The following DNAJC6 variants were observed in gnomAD, a reference collection of about 807,000 sequenced individuals.
DNAJC6 encodes auxilin.
A neutral mutation model predicts 110.0 loss-of-function variants in DNAJC6; 34 were observed. That is an observed-to-expected ratio of 0.31 (90% CI 0.24 to 0.41). The LOEUF is 0.41. DNAJC6 is among the 10% of genes least tolerant of loss of function. The pLI is 1.00. For synonymous variants in DNAJC6, 406 were observed against 437.2 expected, an observed-to-expected ratio of 0.93 and a Z score of 0.89; for missense variants, 1,031 against 1,207.8, an observed-to-expected ratio of 0.85 and a Z score of 2.17.
chr1:65,372,499 C>T (rs1321048989), intron 4 of DNAJC6, among the ~76,000 whole-genome samples: 6 of 152,082 alleles, frequency 3.9e-5, no homozygotes, highest in African/African-American at 1.2e-4. Context: ...AGCTTGGTGT[C>T]TACAAGGGGA....
chr1:65,377,330 A>G (rs913333972), intron 4 of DNAJC6, among the ~76,000 whole-genome samples: 2 of 152,190 alleles, frequency 1.3e-5, no homozygotes, highest in Non-Finnish European at 1.5e-5. Context: ...GTATCTTCCC[A>G]GTTATTCTGT....
chr1:65,313,778 A>T (rs933310103), intron 1 of DNAJC6, among the ~76,000 whole-genome samples: 1 of 152,228 alleles, frequency 6.6e-6, no homozygotes, highest in Non-Finnish European at 1.5e-5. Context: ...TCCTAGCCAG[A>T]TGTGACTTCC....
At chr1:65,365,174 T>G (rs900266187) in intron 2 of DNAJC6, among the ~76,000 whole-genome samples, 2 of 152,178 alleles carry the variant, frequency 1.3e-5, no homozygotes, top group African/African-American at 4.8e-5. Context: ...GATTAAAATA[T>G]ACATGCAATC....
At chr1:65,389,128 G>A (rs1645899773) in intron 9 of DNAJC6, 128 bp from the exon 10 acceptor site, 1 of 842,896 alleles carries the variant, frequency 1.2e-6, no homozygotes, top group African/African-American at 1.7e-5. Context: ...ATCTGGTTAT[G>A]ACTGAGTCTT....
intron 12 of DNAJC6, among the ~76,000 whole-genome samples, chr1:65,394,424 T>C (rs995693827): frequency 2.6e-5 from 4 of 152,210 alleles, no homozygotes; most frequent in African/African-American, 9.7e-5. Context: ...TGTAACATTA[T>C]TGAAAAATCT....
intron 1 of DNAJC6, among the ~76,000 whole-genome samples, chr1:65,285,292 A>G (rs1653980432): frequency 6.6e-6 from 1 of 152,140 alleles, no homozygotes; most frequent in African/African-American, 2.4e-5. Context: ...GGCCCCTGAA[A>G]TGCCTGGCGT....
chr1:65,366,034 G>T lies in DNAJC6; in HGVS notation c.395-14G>T, dbSNP rs755672311. The T allele has an allele frequency of 6.2e-7, 1 of 1,613,582 alleles. No individual in the cohort carries two copies. The highest frequency in any genetic ancestry group is 8.5e-7 in the Non-Finnish European group (1 of 1,179,694). ...CATTTAACCTGTTTTCTTTCTGTGTGATCTCTCTCCTAGTGATGTCCTTTC... is the reference window on the plus strand; with the variant it reads ...CATTTAACCTGTTTTCTTTCTGTGTTATCTCTCTCCTAGTGATGTCCTTTC... On this transcript the variant is annotated splice_polypyrimidine_tract_variant and intron_variant, in intron 3 of 18. Transcript: ENST00000371069.
chr1:65,407,000 TC>T (rs1476735994), intron 16 of DNAJC6, among the ~76,000 whole-genome samples: 4 of 152,176 alleles, frequency 2.6e-5, no homozygotes, highest in African/African-American at 9.7e-5. Flanking sequence ...TGTACAGGCA[TC>T]CCCCTTTATT....
At chr1:65,387,897 A>G (rs971154215) in intron 8 of DNAJC6, among the ~76,000 whole-genome samples, 3 of 152,224 alleles carry the variant, frequency 2.0e-5, no homozygotes, top group African/African-American at 7.2e-5. Flanking sequence ...AGGGAAATCC[A>G]TGCAAGTACA....
At chr1:65,394,863 G>A in intron 12 of DNAJC6, 35 bp from the exon 13 acceptor site, 5 of 1,546,872 alleles carry the variant, frequency 3.2e-6, no homozygotes, top group Non-Finnish European at 4.3e-6. Context: ...ATGAACTCAT[G>A]GGACAAATAA....
chr1:65,298,305 G>A (rs536965595), intron 1 of DNAJC6, among the ~76,000 whole-genome samples: 2 of 152,132 alleles, frequency 1.3e-5, no homozygotes, highest in African/African-American at 4.8e-5. Context: ...TGTGGGTCTA[G>A]GGTGGGTGAA....
At chr1:65,405,394 A>T (rs1004623298) in intron 15 of DNAJC6, among the ~76,000 whole-genome samples, 2 of 152,226 alleles carry the variant, frequency 1.3e-5, no homozygotes, top group Non-Finnish European at 2.9e-5. Flanking sequence ...CTAATAATTG[A>T]AGTTTAAGTA....
At chr1:65,367,417 A>G (rs1645657062) in intron 4 of DNAJC6, among the ~76,000 whole-genome samples, 1 of 152,202 alleles carries the variant, frequency 6.6e-6, no homozygotes, top group African/African-American at 2.4e-5. Flanking sequence ...CTCTTATTCC[A>G]TCTATTAGCT....
At chr1:65,337,141 C>A (rs1165126600) in intron 1 of DNAJC6, among the ~76,000 whole-genome samples, 2 of 149,496 alleles carry the variant, frequency 1.3e-5, no homozygotes, top group Admixed American at 1.4e-4. Context: ...AGATTAAAGG[C>A]TTGATCAGAC....
intron 1 of DNAJC6, among the ~76,000 whole-genome samples, chr1:65,298,186 T>C (rs1644944978): frequency 6.6e-6 from 1 of 152,176 alleles, no homozygotes; most frequent in African/African-American, 2.4e-5. Context: ...ATCTGGGCAG[T>C]GGGCAAGGTG....
chr1:65,412,514 AC>A (rs1254919337), intron 18 of DNAJC6, among the ~76,000 whole-genome samples: 1 of 152,250 alleles, frequency 6.6e-6, no homozygotes, highest in Non-Finnish European at 1.5e-5. Context: ...AGAAGGAGAA[AC>A]AAGAGCCCAG....
At chr1:65,386,226 A>G (rs1192635035) in intron 7 of DNAJC6, among the ~76,000 whole-genome samples, 1 of 152,216 alleles carries the variant, frequency 6.6e-6, no homozygotes, top group East Asian at 1.9e-4. Context: ...GTAATGGAAG[A>G]ATCACTGATG....
intron 11 of DNAJC6, 152 bp downstream of exon 11, chr1:65,389,779 G>C (rs539522604): frequency 2.4e-6 from 2 of 822,466 alleles, no homozygotes; most frequent in South Asian, 1.7e-5. Context: ...CCAGCACTTT[G>C]GAAGGCCAGG....
intron 1 of DNAJC6, among the ~76,000 whole-genome samples, chr1:65,357,253 G>A (rs547141152): frequency 1.3e-5 from 2 of 152,118 alleles, no homozygotes; most frequent in South Asian, 4.2e-4. Context: ...CTGGTGAATG[G>A]GAACATGAAT....
Sources: gnomAD v4.1 joint callset for allele counts (sites outside exome capture counted in the v4.1 genomes callset) on GRCh38, gnomAD v4.1.1 for gene constraint, MANE v1.5 for transcripts, NCBI Gene and HGNC (gene_info 2026-07-23, HGNC 2026-07-21) for gene names.